The following SLC25A14 variants were observed in gnomAD, a reference collection of about 807,000 sequenced individuals.
SLC25A14 encodes brain mitochondrial carrier protein 1.
A neutral mutation model predicts 28.1 loss-of-function variants in SLC25A14; 8 were observed. The ratio of observed to expected loss-of-function variants is 0.28; its 90% CI spans 0.17 to 0.51. SLC25A14 has a LOEUF of 0.51. SLC25A14 is among the 20% of genes least tolerant of loss of function. SLC25A14 has a pLI of 0.97. For missense variants in SLC25A14, 135 were observed against 263.8 expected, an observed-to-expected ratio of 0.51 and a Z score of 3.38; for synonymous variants, 74 against 90.6, an observed-to-expected ratio of 0.82 and a Z score of 1.04.
rs1047490738 is a variant in SLC25A14, at chrX:130,340,181, C to G, written c.-98C>G. ...CTTCGATTGAACCCTGCTTCCTCGA[C>G]CCCCCTGGGAGGCCGCCTTCTTCAG... is the stretch of plus-strand genomic sequence containing the variant. On this transcript the variant is annotated 5_prime_UTR_variant, in exon 2 of 11. Transcript: ENST00000545805. The G allele has an allele frequency of 9.4e-6, 11 of 1,166,931 alleles. No homozygotes were observed. The African/African-American group carries it at 2.0e-4, about 21-fold the overall frequency.
intron 7 of SLC25A14, among the ~76,000 whole-genome samples, chrX:130,362,545 C>T (rs1438373520): frequency 8.9e-6 from 1 of 111,754 alleles, no homozygotes; most frequent in African/African-American, 3.3e-5. Flanking sequence ...AAATTAACAT[C>T]TCTTATCCTA....
At position 130,360,326 on chromosome X, in the gene SLC25A14, C is replaced by A. The variant is rs554834422; in HGVS notation, c.594+1591C>A. Among the ~76,000 whole-genome samples, 49 of 110,804 alleles carry A rather than the reference C, an allele frequency of 4.4e-4. No homozygotes were observed. In the South Asian group the frequency reaches 0.019, roughly 43 times the overall value. On this transcript the variant is annotated intron_variant, in intron 7 of 10. Transcript: ENST00000545805. ...TTGGCTTGATTAGATTCATGTTAAA[C>A]ATTTTTGGTAAGGGTGCTTCATAGG...
intron 8 of SLC25A14, chrX:130,365,070 A>T: frequency 1.3e-6 from 1 of 793,826 alleles, no homozygotes; most frequent in African/African-American, 2.2e-5. Flanking sequence ...TTGTTTGAGA[A>T]AGCAAACTTT....
At chrX:130,368,699 T>C (rs1395474914) in intron 9 of SLC25A14, among the ~76,000 whole-genome samples, 1 of 112,262 alleles carries the variant, frequency 8.9e-6, no homozygotes, top group Non-Finnish European at 1.9e-5. Flanking sequence ...ACAGCGACCT[T>C]GTGGAGTAGA....
intron 7 of SLC25A14, among the ~76,000 whole-genome samples, chrX:130,363,339 T>A (rs1480846436): frequency 8.9e-6 from 1 of 112,632 alleles, no homozygotes; most frequent in Non-Finnish European, 1.9e-5. Flanking sequence ...TTTAGCATAC[T>A]GATTTTAAGG....
chrX:130,365,955 C>A (rs2034105910), intron 9 of SLC25A14, among the ~76,000 whole-genome samples: 1 of 111,551 alleles, frequency 9.0e-6, no homozygotes, highest in Non-Finnish European at 1.9e-5. Flanking sequence ...GACAATATAT[C>A]CCCCATTTGC....
rs1332200280 is a variant in SLC25A14, at chrX:130,339,957, C to G, written c.-192C>G. ...ACTGTGGGAGCCTCAGCTTCCCAGT[C>G]GTCCGATGAGCCCGAGCAGGTGAGG... On this transcript the variant is annotated 5_prime_UTR_variant, in exon 1 of 11. Coordinates refer to ENST00000545805, the MANE Select transcript of SLC25A14 (RefSeq NM_001282195.2). The G allele has an allele frequency of 2.3e-6, 2 of 856,919 alleles. No homozygotes were observed. The highest frequency in any genetic ancestry group is 4.3e-5 in the African/African-American group (2 of 46,759). The allele number at this position is 856,919 out of a possible 1,213,427, so 70.6% of individuals were successfully genotyped here. A position where few individuals can be genotyped will look rare whatever the true frequency, so the allele number is the denominator to read the frequency against.
At chrX:130,361,507 A>G (rs2033963352) in intron 7 of SLC25A14, among the ~76,000 whole-genome samples, 1 of 112,810 alleles carries the variant, frequency 8.9e-6, no homozygotes, top group African/African-American at 3.2e-5. Context: ...ACAAGAAAAT[A>G]TGTTTGCATT....
chrX:130,348,780 A>ACCCC (rs3084881), intron 4 of SLC25A14, among the ~76,000 whole-genome samples: 5 of 46,305 alleles, frequency 1.1e-4, no homozygotes, highest in Non-Finnish European at 1.8e-4. Context: ...TTGAGACTCT[A>ACCCC]CCCCCCCCCC....
intron 6 of SLC25A14, among the ~76,000 whole-genome samples, chrX:130,355,904 A>G (rs1326692085): frequency 9.0e-6 from 1 of 111,704 alleles, no homozygotes; most frequent in Non-Finnish European, 1.9e-5. Flanking sequence ...TCCTTGTGAT[A>G]TCATTTAACT....
At chrX:130,354,839 A>C (rs2033741378) in intron 6 of SLC25A14, among the ~76,000 whole-genome samples, 1 of 112,209 alleles carries the variant, frequency 8.9e-6, no homozygotes, top group Non-Finnish European at 1.9e-5. Flanking sequence ...CCCTTACAGA[A>C]AACGTTTGTT....
At chrX:130,354,949 T>G (rs1044456778) in intron 6 of SLC25A14, among the ~76,000 whole-genome samples, 12 of 112,117 alleles carry the variant, frequency 1.1e-4, no homozygotes, top group African/African-American at 3.6e-4. Flanking sequence ...GGGAAAGCAG[T>G]TTCCTTTTGA....
intron 4 of SLC25A14, among the ~76,000 whole-genome samples, chrX:130,348,824 G>T (rs1603257599): frequency 1.4e-5 from 1 of 73,095 alleles, no homozygotes; most frequent in Non-Finnish European, 2.4e-5. Context: ...AGCATTTCAT[G>T]CTGTAAATTT....
At chrX:130,364,926 C>T (rs1353901653) in intron 8 of SLC25A14, 174 bp downstream of exon 8, 2 of 999,479 alleles carry the variant, frequency 2.0e-6, no homozygotes, top group Non-Finnish European at 2.5e-6. Context: ...ACAGAAATGC[C>T]AGGTGCTATG....
chrX:130,362,479 T>A (rs986758719), intron 7 of SLC25A14, among the ~76,000 whole-genome samples: 30 of 110,665 alleles, frequency 2.7e-4, no homozygotes, highest in Non-Finnish European at 3.6e-4. Context: ...CTAAACACAG[T>A]TATAAAAGTA....
At chrX:130,358,013 A>G (rs1482374470) in intron 6 of SLC25A14, among the ~76,000 whole-genome samples, 1 of 112,210 alleles carries the variant, frequency 8.9e-6, no homozygotes, top group Non-Finnish European at 1.9e-5. Context: ...CAAAAGAGAA[A>G]AATGCTTACT....
At chrX:130,362,651 A>G (rs1056135253) in intron 7 of SLC25A14, among the ~76,000 whole-genome samples, 11 of 112,292 alleles carry the variant, frequency 9.8e-5, no homozygotes, top group Non-Finnish European at 2.1e-4. Context: ...GAATAATACT[A>G]TATATAATTT....
At chrX:130,372,752 G>A (rs1182749545) in intron 10 of SLC25A14, among the ~76,000 whole-genome samples, 157 bp from the exon 11 acceptor site, 2 of 111,371 alleles carry the variant, frequency 1.8e-5, no homozygotes, top group Non-Finnish European at 3.8e-5. Context: ...GTGAGCCACC[G>A]CGCCCGGCTG....
At chrX:130,355,657 T>G (rs966174237) in intron 6 of SLC25A14, among the ~76,000 whole-genome samples, 1 of 112,365 alleles carries the variant, frequency 8.9e-6, no homozygotes, top group Non-Finnish European at 1.9e-5. Flanking sequence ...ATAATCTATG[T>G]TCACATTTCC....
Sources: gnomAD v4.1 joint callset for allele counts (sites outside exome capture counted in the v4.1 genomes callset) on GRCh38, gnomAD v4.1.1 for gene constraint, MANE v1.5 for transcripts, NCBI Gene and HGNC (gene_info 2026-07-23, HGNC 2026-07-21) for gene names.